GALNT13: variants seen among roughly 807,000 people sequenced by gnomAD.
The protein encoded by GALNT13 is polypeptide N-acetylgalactosaminyltransferase 13, also known as UDP-GalNAc:polypeptide N-acetylgalactosaminyltransferase 13.
In GALNT13, 28 loss-of-function variants were observed where a neutral mutation model predicts 64.2. The ratio of observed to expected loss-of-function variants is 0.44; its 90% CI spans 0.32 to 0.60. The LOEUF (loss-of-function observed/expected upper bound fraction) is 0.60, where lower values mean the gene tolerates loss of function less well. Ranked by LOEUF, GALNT13 falls within the 20% of genes least tolerant of loss-of-function variation. The pLI is 0.05. For missense variants in GALNT13, 577 were observed against 669.8 expected (o/e 0.86, Z 1.53); for synonymous variants, 214 against 224.6 (o/e 0.95, Z 0.42).
chr2:153,150,546 C>T, the GALNT13 span, among the ~76,000 whole-genome samples: 1 of 152,212 alleles, frequency 6.6e-6, no homozygotes, highest in East Asian at 1.9e-4. Context: ...AAGTCCTTGC[C>T]CATGCCTGTG....
chr2:153,842,366 G>T, the GALNT13 span, among the ~76,000 whole-genome samples: 1 of 152,104 alleles, frequency 6.6e-6, no homozygotes, highest in Admixed American at 6.6e-5. Context: ...CCACAGGCTG[G>T]TGAGAAAAAT....
At chr2:153,166,061 T>A in the GALNT13 span, among the ~76,000 whole-genome samples, 33 of 152,328 alleles carry the variant, frequency 2.2e-4, no homozygotes, top group African/African-American at 7.9e-4. Context: ...TTTTGGAATT[T>A]ACACGAGTGG....
At chr2:153,474,574 G>T in the GALNT13 span, among the ~76,000 whole-genome samples, 3 of 152,116 alleles carry the variant, frequency 2.0e-5, no homozygotes, top group South Asian at 2.1e-4. Context: ...GGGGAGATTC[G>T]TATCAACAAT....
chr2:153,738,420 CT>C, the GALNT13 span, among the ~76,000 whole-genome samples: 4 of 151,906 alleles, frequency 2.6e-5, no homozygotes, highest in African/African-American at 7.2e-5. Flanking sequence ...TAAACTTACA[CT>C]TTTTATTTAG....
At chr2:153,596,238 G>A in the GALNT13 span, among the ~76,000 whole-genome samples, 1 of 152,100 alleles carries the variant, frequency 6.6e-6, no homozygotes, top group Non-Finnish European at 1.5e-5. Flanking sequence ...AGCCAAATAA[G>A]GTGTCTATGC....
the GALNT13 span, among the ~76,000 whole-genome samples, chr2:153,419,784 G>T: frequency 6.6e-6 from 1 of 151,986 alleles, no homozygotes. Flanking sequence ...GCTATCACTG[G>T]GGGAAACTAA....
chr2:153,841,644 C>A, the GALNT13 span, among the ~76,000 whole-genome samples: 1 of 152,094 alleles, frequency 6.6e-6, no homozygotes, highest in East Asian at 1.9e-4. Context: ...CTGAAATACA[C>A]AGCATAATAT....
chr2:153,931,516 A>G (rs1225232378), intron 2 of GALNT13, among the ~76,000 whole-genome samples: 1 of 152,016 alleles, frequency 6.6e-6, no homozygotes, highest in South Asian at 2.1e-4. Flanking sequence ...ATTTTAAGAT[A>G]TACTCATTTC....
the GALNT13 span, among the ~76,000 whole-genome samples, chr2:153,164,303 T>G: frequency 6.6e-6 from 1 of 152,196 alleles, no homozygotes; most frequent in Non-Finnish European, 1.5e-5. Context: ...AATGTATACA[T>G]AAACATATAT....
At chr2:153,810,723 C>T in the GALNT13 span, among the ~76,000 whole-genome samples, 1 of 152,008 alleles carries the variant, frequency 6.6e-6, no homozygotes, top group South Asian at 2.1e-4. Flanking sequence ...ATTGATTGGC[C>T]TTAGAGAGTG....
At chr2:153,428,965 A>C in the GALNT13 span, among the ~76,000 whole-genome samples, 1 of 152,212 alleles carries the variant, frequency 6.6e-6, no homozygotes, top group Middle Eastern at 3.4e-3. Context: ...CCAGTCACCA[A>C]ATACCCTCTT....
chr2:153,089,354 A>G, the GALNT13 span, among the ~76,000 whole-genome samples: 3 of 152,036 alleles, frequency 2.0e-5, no homozygotes, highest in Non-Finnish European at 2.9e-5. Context: ...TGTTAATCTG[A>G]TATGTTTTCC....
chr2:153,928,500 T>C (rs980692730), intron 2 of GALNT13, among the ~76,000 whole-genome samples: 3 of 152,176 alleles, frequency 2.0e-5, no homozygotes, highest in African/African-American at 7.2e-5. Flanking sequence ...TATATCTACT[T>C]GAACATTCTG....
chr2:153,318,726 T>C, the GALNT13 span, among the ~76,000 whole-genome samples: 1 of 152,228 alleles, frequency 6.6e-6, no homozygotes, highest in Non-Finnish European at 1.5e-5. Context: ...GATTTTTCTA[T>C]GCAACTGAAA....
chr2:154,047,527 G>A (rs940700310), intron 3 of GALNT13, among the ~76,000 whole-genome samples: 14 of 152,086 alleles, frequency 9.2e-5, no homozygotes, highest in Non-Finnish European at 2.1e-4. Flanking sequence ...TTAAATTAGA[G>A]CCTCATTTTC....
At chr2:153,635,269 T>G in the GALNT13 span, among the ~76,000 whole-genome samples, 4 of 151,862 alleles carry the variant, frequency 2.6e-5, no homozygotes, top group East Asian at 5.8e-4. Context: ...TCATAAAAGA[T>G]AGTACACTAC....
At chr2:153,693,323 C>T in the GALNT13 span, among the ~76,000 whole-genome samples, 1 of 152,078 alleles carries the variant, frequency 6.6e-6, no homozygotes, top group Non-Finnish European at 1.5e-5. Flanking sequence ...TTTTGTGAAT[C>T]GTATTCGGAT....
the GALNT13 span, among the ~76,000 whole-genome samples, chr2:153,169,919 T>C: frequency 6.6e-6 from 1 of 152,232 alleles, no homozygotes; most frequent in Non-Finnish European, 1.5e-5. Flanking sequence ...TACTTTTTTG[T>C]ACCTAGAAAA....
intron 3 of GALNT13, among the ~76,000 whole-genome samples, chr2:154,056,769 A>G (rs1699913751): frequency 6.6e-6 from 1 of 152,148 alleles, no homozygotes; most frequent in Admixed American, 6.5e-5. Context: ...CATGGGTGAT[A>G]GAGTGCCAAA....
Sources: gnomAD v4.1 joint callset for allele counts (sites outside exome capture counted in the v4.1 genomes callset) on GRCh38, gnomAD v4.1.1 for gene constraint, MANE v1.5 for transcripts, NCBI Gene and HGNC (gene_info 2026-07-23, HGNC 2026-07-21) for gene names.